The following ANKRD36C variants were observed in gnomAD, a reference collection of about 807,000 sequenced individuals.
ANKRD36C encodes the protein ankyrin repeat domain-containing protein 36C.
ANKRD36C carries 61 observed loss-of-function variants against 276.4 expected under a neutral mutation model. That is an observed-to-expected ratio of 0.22 (90% CI 0.18 to 0.27). The LOEUF is 0.27. Among genes scored for constraint, ANKRD36C ranks in the 10% least tolerant of loss-of-function variants. The probability of loss-of-function intolerance (pLI) is 1.00; values close to 1 mark genes in which losing one functional copy is unlikely to be tolerated. For missense variants in ANKRD36C, 1,447 were observed against 2,032.3 expected, an observed-to-expected ratio of 0.71 and a Z score of 5.54; for synonymous variants, 483 against 680.1, an observed-to-expected ratio of 0.71 and a Z score of 4.51.
At chr2:95,969,585 G>A (rs980772759) in intron 6 of ANKRD36C, among the ~76,000 whole-genome samples, 8 of 152,132 alleles carry the variant, frequency 5.3e-5, no homozygotes, top group African/African-American at 1.9e-4. Context: ...GACATAATCT[G>A]TACCTAACAT....
chr2:95,971,731 A>G (rs1370737044), intron 6 of ANKRD36C, among the ~76,000 whole-genome samples: 1 of 152,126 alleles, frequency 6.6e-6, no homozygotes. Flanking sequence ...ATTTAACAAA[A>G]TATAAAACAA....
At chr2:95,990,525 G>T (rs1490401804) in intron 1 of ANKRD36C, among the ~76,000 whole-genome samples, 1 of 152,070 alleles carries the variant, frequency 6.6e-6, no homozygotes, top group African/African-American at 2.4e-5. Flanking sequence ...AGTCTTTTTT[G>T]ACTCCATTTC....
chr2:95,952,672 A>T (rs1289887995), intron 14 of ANKRD36C, among the ~76,000 whole-genome samples: 1 of 3,610 alleles, frequency 2.8e-4, no homozygotes, highest in African/African-American at 4.2e-4. Context: ...TCTCAACATA[A>T]CTCACCTCAA....
intron 42 of ANKRD36C, among the ~76,000 whole-genome samples, chr2:95,911,542 A>C (rs1676924641): frequency 6.6e-6 from 1 of 151,524 alleles, no homozygotes; most frequent in South Asian, 2.1e-4. Context: ...CATTTCTATA[A>C]CTAAAATCAA....
intron 6 of ANKRD36C, among the ~76,000 whole-genome samples, chr2:95,964,938 A>G (rs925829435): frequency 6.6e-6 from 1 of 151,968 alleles, no homozygotes; most frequent in African/African-American, 2.4e-5. Context: ...TATTGAACAT[A>G]ACCTATTTAA....
chr2:95,928,990 A>C (rs1365932854), intron 26 of ANKRD36C, 82 bp downstream of exon 26: 8 of 1,581,758 alleles, frequency 5.1e-6, no homozygotes, highest in Non-Finnish European at 6.9e-6. Context: ...GCTTAGACGA[A>C]CTCCCCACTG....
chr2:95,940,782 C>A, intron 20 of ANKRD36C, among the ~76,000 whole-genome samples: 1 of 147,812 alleles, frequency 6.8e-6, no homozygotes, highest in Non-Finnish European at 1.5e-5. Context: ...TTTACACCAT[C>A]CCACCTCACA....
Position 95,923,480 on chromosome 2 carries a change from G to C in ANKRD36C, c.2143+15C>G. 1 of 1,609,870 alleles carries C rather than the reference G, an allele frequency of 6.2e-7. No homozygotes were observed. The highest frequency in any genetic ancestry group is 8.5e-7 in the Non-Finnish European group (1 of 1,177,474). ...CTGGACTGAACATGACATTTAATGT[G>C]TTTTGCAAAATTACCTGTCCCACAT... is the stretch of plus-strand genomic sequence containing the variant. On this transcript the variant is annotated intron_variant, in intron 32 of 66. Coordinates refer to ENST00000456556, the Ensembl canonical transcript of ANKRD36C.
chr2:95,919,399 CTT>C (rs1677204512), intron 34 of ANKRD36C, among the ~76,000 whole-genome samples: 1 of 133,240 alleles, frequency 7.5e-6, no homozygotes, highest in African/African-American at 2.5e-5. Flanking sequence ...TACTTCCTCT[CTT>C]TCTCCTTCCA....
intron 24 of ANKRD36C, among the ~76,000 whole-genome samples, chr2:95,933,932 C>T (rs1252610417): frequency 1.3e-5 from 2 of 152,420 alleles, no homozygotes; most frequent in East Asian, 1.9e-4. Flanking sequence ...AACAAACAAC[C>T]TCATCAAAAA....
intron 50 of ANKRD36C, among the ~76,000 whole-genome samples, chr2:95,887,645 A>G (rs1318748261): frequency 6.6e-6 from 1 of 151,728 alleles, no homozygotes; most frequent in Non-Finnish European, 1.5e-5. Flanking sequence ...GTAGAATTAA[A>G]GCAAAATTAT....
chr2:95,991,665 C>T, exon 1 of ANKRD36C: 2 of 1,613,994 alleles, frequency 1.2e-6, no homozygotes, highest in South Asian at 2.2e-5. Flanking sequence ...CGAGCACAAG[C>T]GGTCCCTGAG....
chr2:95,897,008 C>T (rs968417021), intron 44 of ANKRD36C, among the ~76,000 whole-genome samples: 3 of 148,752 alleles, frequency 2.0e-5, no homozygotes, highest in Admixed American at 6.7e-5. Flanking sequence ...TTATGTTGTT[C>T]CCCAGAGCCC....
chr2:95,986,780 A>G lies in ANKRD36C; in HGVS notation c.457T>C (p.Tyr153His), dbSNP rs2579529. The change falls in exon 3 of 67, where the codon TAT becomes CAT. Residue 153 changes from tyrosine to histidine, a missense_variant. Tyr to His is a moderately conservative substitution (Grantham distance 83). Coordinates refer to ENST00000456556, the Ensembl canonical transcript of ANKRD36C. ...CTGCATTCTTCAATATTTGCACCAT[A>G]TGAAAGAAGTTTTTCTATCATGGAT... The G allele has an allele frequency of 2.5e-5, 41 of 1,611,868 alleles. No individual in the cohort carries two copies. In the African/African-American group the frequency reaches 3.6e-4, roughly 14 times the overall value.
chr2:95,912,427 G>A (rs530254876), exon 41 of ANKRD36C: 43 of 1,604,756 alleles, frequency 2.7e-5, no homozygotes, highest in South Asian at 6.6e-5. Context: ...GGTTTTTTCC[G>A]AGAAGACACT....
At chr2:95,980,428 A>G (rs991613898) in intron 5 of ANKRD36C, among the ~76,000 whole-genome samples, 3 of 152,142 alleles carry the variant, frequency 2.0e-5, no homozygotes, top group African/African-American at 7.2e-5. Context: ...GAAAGTTTCA[A>G]TATCAAGAAT....
chr2:95,919,954 T>C (rs1333096694), intron 34 of ANKRD36C, 34 bp from the exon 35 acceptor site: 17 of 1,531,254 alleles, frequency 1.1e-5, no homozygotes, highest in Non-Finnish European at 1.5e-5. Flanking sequence ...ATCACTCATA[T>C]ATAAATATGA....
At chr2:95,889,985 T>A (rs755485992) in exon 47 of ANKRD36C, 2 of 1,609,706 alleles carry the variant, frequency 1.2e-6, no homozygotes, top group East Asian at 2.2e-5. Flanking sequence ...TGGTTGTTTA[T>A]GAGAAGACAC....
intron 62 of ANKRD36C, among the ~76,000 whole-genome samples, chr2:95,856,708 T>C (rs1417553843): frequency 2.0e-5 from 3 of 152,180 alleles, no homozygotes; most frequent in African/African-American, 7.2e-5. Context: ...AAATGATAAG[T>C]CTAGGCATTA....
Sources: gnomAD v4.1 joint callset for allele counts (sites outside exome capture counted in the v4.1 genomes callset) on GRCh38, gnomAD v4.1.1 for gene constraint, MANE v1.5 for transcripts, NCBI Gene and HGNC (gene_info 2026-07-23, HGNC 2026-07-21) for gene names.